Variants in INTS4 observed in about 807,000 individuals in gnomAD.
INTS4 encodes the protein integrator complex subunit 4.
INTS4 carries 70 observed loss-of-function variants against 119.5 expected under a neutral mutation model. That is an observed-to-expected ratio of 0.59 (90% CI 0.48 to 0.71). The LOEUF (loss-of-function observed/expected upper bound fraction) is 0.71, where lower values mean the gene tolerates loss of function less well. Among genes scored for constraint, INTS4 ranks in the 30% least tolerant of loss-of-function variants. INTS4 has a pLI of 0.00. For missense variants in INTS4, 867 were observed against 1,173.2 expected (o/e 0.74, Z 3.81); for synonymous variants, 316 against 419.6 (o/e 0.75, Z 3.02).
chr11:77,992,538 T>TA (rs1175640173), intron 1 of INTS4, among the ~76,000 whole-genome samples: 8 of 152,140 alleles, frequency 5.3e-5, no homozygotes, highest in African/African-American at 1.7e-4. Flanking sequence ...CTGTCTCTGT[T>TA]AAAAAATAAT....
chr11:77,981,939 T>C (rs1264788430), intron 2 of INTS4, among the ~76,000 whole-genome samples: 4 of 151,936 alleles, frequency 2.6e-5, no homozygotes, highest in Non-Finnish European at 5.9e-5. Context: ...GTCATTATCT[T>C]CTAATAAAAA....
chr11:77,949,073 C>T (rs942122961), intron 8 of INTS4, among the ~76,000 whole-genome samples: 118 of 151,724 alleles, frequency 7.8e-4, no homozygotes, highest in African/African-American at 2.6e-3. Context: ...TGTGCAATCG[C>T]GGAACCGCAC....
In INTS4 at chr11:77,923,176, G is replaced by C. The variant is rs544346452; in HGVS notation, c.1515-705C>G. ...CTGCTAAAAATACAAAAATTAGCTG[G>C]GCATGGTGGCACGGGCCTGTAGTCC... is the stretch of plus-strand genomic sequence containing the variant. On this transcript the variant is annotated intron_variant, in intron 12 of 22. Transcript: ENST00000534064. Among the ~76,000 whole-genome samples, 68 of 152,050 alleles carry C rather than the reference G, an allele frequency of 4.5e-4. 1 individual carries two copies. The South Asian group carries it at 1.0e-2, about 22-fold the overall frequency.
Position 77,924,832 on chromosome 11 carries a change from T to A in INTS4, c.1432A>T (p.Thr478Ser), listed in dbSNP as rs750336381. The A allele has an allele frequency of 6.9e-6, 11 of 1,592,222 alleles. No homozygotes were observed. Among genetic ancestry groups the A allele is most frequent in the Non-Finnish European group, 9.5e-6 (11 of 1,160,084 alleles). Residue 478 changes from threonine (T) to serine (S), a missense_variant, in exon 12 of 23, where the codon ACC (threonine) becomes TCC (serine). Physicochemically the swap from Thr to Ser is moderately conservative, Grantham distance 58. Around this residue, in one of 5 missense-constraint regions of INTS4, gnomAD observed 51 missense variants for 125.5 expected, o/e 0.41. Transcript: ENST00000534064. ...HELLCCTNVS[T>S]KEGIHLALVE... ...AATGCAAGATGAATCCCTTCTTTGG[T>A]TGAAACATTAGTACAGCATAAGAGT...
intron 18 of INTS4, among the ~76,000 whole-genome samples, chr11:77,896,233 G>A (rs1218140979): frequency 1.3e-5 from 2 of 151,614 alleles, no homozygotes; most frequent in African/African-American, 4.8e-5. Context: ...AGAAAAAAAA[G>A]GAAAAAAATA....
At chr11:77,880,733 G>GA in intron 22 of INTS4, among the ~76,000 whole-genome samples, 1 of 152,202 alleles carries the variant, frequency 6.6e-6, no homozygotes, top group Non-Finnish European at 1.5e-5. Flanking sequence ...CAAGGCAGGA[G>GA]AATCACTTGA....
downstream of INTS4, among the ~76,000 whole-genome samples, chr11:77,874,367 G>A (rs1038242602): frequency 6.6e-6 from 1 of 150,758 alleles, no homozygotes; most frequent in African/African-American, 2.5e-5. Context: ...CTCTAGTGAT[G>A]CAGTCTTTTT....
chr11:77,978,625 G>A (rs145571218), intron 4 of INTS4: 1 of 155,310 alleles, frequency 6.4e-6, no homozygotes, highest in African/African-American at 2.4e-5. Flanking sequence ...TTATACCCTG[G>A]TACTGCAACC....
intron 4 of INTS4, among the ~76,000 whole-genome samples, chr11:77,965,416 A>T (rs1222610115): frequency 6.6e-6 from 1 of 152,118 alleles, no homozygotes; most frequent in Non-Finnish European, 1.5e-5. Context: ...AATAGATCTC[A>T]AAACCTATTC....
Position 77,979,080 on chromosome 11 carries a change from T to C in INTS4, c.387A>G (p.Gln129=), listed in dbSNP as rs1274535971. Residue 129 remains glutamine (Q), a synonymous_variant, in exon 4 of 23, where the codon CAA becomes CAG. Transcript: ENST00000534064. ...CAATTGCAAGCAAAGTATCCAGCAG[T>C]TGAGCTAGGACTTGATGAGACTCTA... ...QNEKSHQVLA[Q]LLDTLLAIGT... is the part of the protein sequence containing the mutation. 1.2e-6 allele frequency: 2 copies of C among 1,611,836 alleles called. No homozygotes were observed. Among genetic ancestry groups the C allele is most frequent in the Non-Finnish European group, 1.7e-6 (2 of 1,178,158 alleles).
At chr11:77,946,326 C>A (rs1373563308) in intron 8 of INTS4, among the ~76,000 whole-genome samples, 1 of 152,154 alleles carries the variant, frequency 6.6e-6, no homozygotes, top group Non-Finnish European at 1.5e-5. Context: ...AAACCATCTA[C>A]AGAAAAAGAC....
intron 18 of INTS4, among the ~76,000 whole-genome samples, chr11:77,899,793 G>A (rs1952697810): frequency 2.0e-5 from 3 of 152,074 alleles, no homozygotes; most frequent in African/African-American, 7.2e-5. Flanking sequence ...AGGAATAGGA[G>A]GCAGAACAGC....
At chr11:77,884,488 C>A (rs1951916506) in intron 21 of INTS4, among the ~76,000 whole-genome samples, 1 of 152,216 alleles carries the variant, frequency 6.6e-6, no homozygotes, top group African/African-American at 2.4e-5. Context: ...TCCTCAGCAT[C>A]CTGGGGGACC....
chr11:77,989,411 C>G (rs1019478309), intron 2 of INTS4, among the ~76,000 whole-genome samples: 3 of 151,728 alleles, frequency 2.0e-5, no homozygotes, highest in African/African-American at 7.3e-5. Context: ...TGCTTGAACC[C>G]AGGAGTGCTA....
chr11:77,948,159 T>G (rs1257351827), intron 8 of INTS4, among the ~76,000 whole-genome samples: 1 of 150,410 alleles, frequency 6.6e-6, no homozygotes, highest in Non-Finnish European at 1.5e-5. Context: ...AACTGAAGAC[T>G]CTGTAGTAAC....
intron 21 of INTS4, among the ~76,000 whole-genome samples, chr11:77,886,334 CT>C (rs1207742876): frequency 6.6e-6 from 1 of 152,176 alleles, no homozygotes; most frequent in African/African-American, 2.4e-5. Context: ...GCTTAGAAAC[CT>C]GTGGCCCAAG....
intron 8 of INTS4, among the ~76,000 whole-genome samples, chr11:77,952,952 G>C (rs1350642532): frequency 2.6e-5 from 4 of 152,136 alleles, no homozygotes; most frequent in African/African-American, 7.2e-5. Flanking sequence ...AGGATCTGAT[G>C]AATGATTAGA....
At chr11:77,982,915 T>A (rs565109492) in intron 2 of INTS4, among the ~76,000 whole-genome samples, 2 of 152,166 alleles carry the variant, frequency 1.3e-5, no homozygotes, top group African/African-American at 4.8e-5. Context: ...GAAGGGGCAA[T>A]AGATACAGCG....
chr11:77,941,342 T>C, intron 8 of INTS4, 91 bp from the exon 9 acceptor site: 2 of 1,442,004 alleles, frequency 1.4e-6, no homozygotes, highest in Admixed American at 2.4e-5. Context: ...TTTAAGTGCA[T>C]AAAGATAATA....
Sources: allele counts gnomAD v4.1 joint callset (sites outside exome capture counted in the v4.1 genomes callset), GRCh38; gene constraint gnomAD v4.1.1; regional missense constraint gnomAD v4.1.1; transcripts MANE v1.5; gene names NCBI Gene and HGNC (gene_info 2026-07-23, HGNC 2026-07-21).